The following TNFSF15 variants were observed in gnomAD, a reference collection of about 807,000 sequenced individuals.
TNFSF15 encodes the protein tumor necrosis factor ligand superfamily member 15.
In TNFSF15, 15 loss-of-function variants were observed where a neutral mutation model predicts 26.4. The ratio of observed to expected loss-of-function variants is 0.57; its 90% CI spans 0.38 to 0.87. TNFSF15 has a LOEUF of 0.87. Among genes scored for constraint, TNFSF15 ranks in the 40% least tolerant of loss-of-function variants. The pLI is 0.00. For missense variants in TNFSF15, 290 were observed against 306.1 expected, an observed-to-expected ratio of 0.95 and a Z score of 0.39; for synonymous variants, 116 against 115.0, an observed-to-expected ratio of 1.01 and a Z score of -0.06.
rs926585510 is a variant in TNFSF15 at position 114,792,138 on chromosome 9, C to T, written c.301+269G>A. On this transcript the variant is annotated intron_variant, in intron 3 of 3. Transcript: ENST00000374045. ...TGCTTATTGCAGCACTATTCACAAT[C>T]GCAAAAATATGGAATCAACTTAAGT... The T allele has an allele frequency of 3.4e-5, 16 of 465,414 alleles. No individual in the cohort carries two copies. The Admixed American group carries it at 4.1e-4, about 12-fold the overall frequency. 28.8% of individuals were successfully genotyped at this position (465,414 alleles called of 1,614,324 possible).
intron 1 of TNFSF15, among the ~76,000 whole-genome samples, chr9:114,794,892 G>A (rs1386521395): frequency 6.6e-6 from 1 of 152,140 alleles, no homozygotes; most frequent in Non-Finnish European, 1.5e-5. Context: ...GAGTGGGAGA[G>A]GATGGGGATG....
intron 1 of TNFSF15, among the ~76,000 whole-genome samples, chr9:114,800,134 G>A (rs1015143386): frequency 6.6e-6 from 1 of 152,120 alleles, no homozygotes; most frequent in South Asian, 2.1e-4. Flanking sequence ...GGAGTGGGGA[G>A]GGGGAGGGGG....
At chr9:114,797,392 G>A (rs1829685114) in intron 1 of TNFSF15, among the ~76,000 whole-genome samples, 1 of 152,184 alleles carries the variant, frequency 6.6e-6, no homozygotes, top group African/African-American at 2.4e-5. Flanking sequence ...CATTCCAAGA[G>A]TCCGCAAGAA....
chr9:114,786,595 CT>C lies in TNFSF15; in HGVS notation c.*3856del. 2 of 152,202 alleles carry C rather than the reference CT, an allele frequency of 1.3e-5. No homozygotes were observed. The highest frequency in any genetic ancestry group is 2.4e-5 in the African/African-American group (1 of 41,520). 9.4% of individuals were successfully genotyped at this position (152,202 alleles called of 1,614,324 possible). A position where few individuals can be genotyped will look rare whatever the true frequency, so the allele number is the denominator to read the frequency against. On this transcript the variant is annotated 3_prime_UTR_variant, in exon 4 of 4. Transcript: ENST00000374045. The stretch of plus-strand genomic sequence containing the variant: ...AGGAAGTGAAAACGTACACTTTTCC[CT>C]TTTCTTACTGTACCTTAGTAAAAAA...
intron 3 of TNFSF15, chr9:114,792,193 A>T: frequency 3.7e-6 from 2 of 543,568 alleles, no homozygotes; most frequent in Non-Finnish European, 6.3e-6. Flanking sequence ...GATAAGGAAA[A>T]CGTGTGTGTG....
rs949128427 is a variant in TNFSF15 at position 114,793,380 on chromosome 9, A to G, written c.253+146T>C. 1.6e-5 allele frequency: 15 copies of G among 933,890 alleles called. No individual in the cohort carries two copies. In the African/African-American group the frequency reaches 2.5e-4, roughly 16 times the overall value. 57.9% of individuals were successfully genotyped at this position (933,890 alleles called of 1,614,324 possible). A position where few individuals can be genotyped will look rare whatever the true frequency, so the allele number is the denominator to read the frequency against. On this transcript the variant is annotated intron_variant, in intron 2 of 3. Transcript: ENST00000374045. ...GCCATTTTGCCTTCTTAGTGCCTGC[A>G]GCAGAGCCTCATTTCTCCTCTGGAT...
intron 1 of TNFSF15, among the ~76,000 whole-genome samples, chr9:114,799,002 C>G (rs892153556): frequency 2.6e-5 from 4 of 152,184 alleles, no homozygotes; most frequent in Non-Finnish European, 5.9e-5. Flanking sequence ...AGATGTTTGC[C>G]TCTTTGTCTC....
At chr9:114,795,105 C>G (rs1412400847) in intron 1 of TNFSF15, among the ~76,000 whole-genome samples, 2 of 152,080 alleles carry the variant, frequency 1.3e-5, no homozygotes, top group Non-Finnish European at 2.9e-5. Context: ...AATACCCTGA[C>G]TTGATCATTA....
Position 114,787,179 on chromosome 9 carries a change from A to G in TNFSF15, c.*3273T>C, listed in dbSNP as rs866573108. On this transcript the variant is annotated 3_prime_UTR_variant, in exon 4 of 4. Coordinates refer to ENST00000374045, the MANE Select transcript of TNFSF15 (RefSeq NM_005118.4). ...ATGTAGTTTAAATAATGGATTCTAC[A>G]ATAAAAAATGGGAACTTTTTTACCT... The G allele has an allele frequency of 1.3e-5, 2 of 152,216 alleles. No homozygotes were observed. Among genetic ancestry groups the G allele is most frequent in the Non-Finnish European group, 2.9e-5 (2 of 68,042 alleles). 9.4% of individuals were successfully genotyped at this position (152,216 alleles called of 1,614,324 possible).
At position 114,785,764 on chromosome 9, in the gene TNFSF15, T is replaced by A. The variant is rs1829490770; in HGVS notation, c.*4688A>T. On this transcript the variant is annotated 3_prime_UTR_variant, in exon 4 of 4. Transcript: ENST00000374045. Reference sequence around the variant, plus strand: ...GTCTCCTCCCACTTCCATGTTGTCCTACAGGTGTTTGAAAATACTTGTCCC... The same window carrying A: ...GTCTCCTCCCACTTCCATGTTGTCCAACAGGTGTTTGAAAATACTTGTCCC... The A allele has an allele frequency of 6.6e-6, 1 of 152,236 alleles. No individual in the cohort carries two copies. Among genetic ancestry groups the A allele is most frequent in the Non-Finnish European group, 1.5e-5 (1 of 68,062 alleles). 9.4% of individuals were successfully genotyped at this position (152,236 alleles called of 1,614,324 possible). A position where few individuals can be genotyped will look rare whatever the true frequency, so the allele number is the denominator to read the frequency against.
At chr9:114,791,249 G>T (rs567977637) in intron 3 of TNFSF15, 85 of 431,200 alleles carry the variant, frequency 2.0e-4, no homozygotes, top group Non-Finnish European at 3.2e-4. Context: ...ATGGCTTGCT[G>T]CAAGAATTAT....
At chr9:114,791,013 C>A in intron 3 of TNFSF15, 107 bp from the exon 4 acceptor site, 1 of 1,113,420 alleles carries the variant, frequency 9.0e-7, no homozygotes, top group African/African-American at 1.6e-5. Context: ...TCGAATATAC[C>A]TAACAGCTAA....
In TNFSF15 at chr9:114,786,911, C is replaced by CAAAAAAAAAAAA. The variant is rs11429963; in HGVS notation, c.*3529_*3540dup. 1.2e-5 allele frequency: 1 copy of CAAAAAAAAAAAA among 80,324 alleles called. No individual in the cohort carries two copies. Among genetic ancestry groups the CAAAAAAAAAAAA allele is most frequent in the Non-Finnish European group, 2.4e-5 (1 of 41,364 alleles). The allele number at this position is 80,324 out of a possible 1,614,324, so 5.0% of individuals were successfully genotyped here. A position where few individuals can be genotyped will look rare whatever the true frequency, so the allele number is the denominator to read the frequency against. On this transcript the variant is annotated 3_prime_UTR_variant, in exon 4 of 4. Transcript: ENST00000374045. ...TGGGTGACAAAGCAAGACTCTGTCT[C>CAAAAAAAAAAAA]AAAAAAAAAAAAAAAAAAAAAGAAA...
At chr9:114,794,287 A>G (rs971554064) in intron 1 of TNFSF15, among the ~76,000 whole-genome samples, 1 of 152,226 alleles carries the variant, frequency 6.6e-6, no homozygotes. Flanking sequence ...CAGAAAATCT[A>G]TGAGTTAGTG....
chr9:114,796,916 G>T (rs1829679650), intron 1 of TNFSF15, among the ~76,000 whole-genome samples: 1 of 152,190 alleles, frequency 6.6e-6, no homozygotes, highest in South Asian at 2.1e-4. Flanking sequence ...GGTCTTGAGG[G>T]AGTGGAGAAG....
In TNFSF15 at chr9:114,790,675, G is replaced by A; in HGVS notation, c.533C>T (p.Thr178Ile). 1.9e-6 allele frequency: 3 copies of A among 1,614,114 alleles called. No individual in the cohort carries two copies. Among genetic ancestry groups the A allele is most frequent in the Non-Finnish European group, 2.5e-6 (3 of 1,180,014 alleles). ...GTCTGTTACCTTGGTGATGACCACA[G>A]TGATGGAGTCTGGCTTGTTTGGTCG... ...AGRPNKPDSITVVITKVTDSY... is the reference protein window; with the variant it reads ...AGRPNKPDSIIVVITKVTDSY... The change falls in exon 4 of 4, where the codon ACT becomes ATT. Residue 178 changes from threonine (T) to isoleucine (I), a missense_variant. Transcript: ENST00000374045.
chr9:114,804,950 A>G (rs941154027), intron 1 of TNFSF15, among the ~76,000 whole-genome samples: 3 of 152,202 alleles, frequency 2.0e-5, no homozygotes, highest in African/African-American at 4.8e-5. Flanking sequence ...TAGATTATGA[A>G]GGGACATTTT....
Position 114,789,972 on chromosome 9 carries a change from G to A in TNFSF15, c.*480C>T, listed in dbSNP as rs1303824483. 6.5e-6 allele frequency: 1 copy of A among 153,756 alleles called. No individual in the cohort carries two copies. The highest frequency in any genetic ancestry group is 2.4e-5 in the African/African-American group (1 of 41,444). The allele number at this position is 153,756 out of a possible 1,614,324, so 9.5% of individuals were successfully genotyped here. On this transcript the variant is annotated 3_prime_UTR_variant, in exon 4 of 4. Transcript: ENST00000374045. Reference sequence around the variant, plus strand: ...TTTTTTAGGCAAGGCATGAAAGTATGTGGAAAAATTGGTGAAGGATTTTGC... The same window carrying A: ...TTTTTTAGGCAAGGCATGAAAGTATATGGAAAAATTGGTGAAGGATTTTGC...
chr9:114,802,660 G>A (rs1264202894), intron 1 of TNFSF15, among the ~76,000 whole-genome samples: 20 of 152,200 alleles, frequency 1.3e-4, no homozygotes, highest in Non-Finnish European at 2.9e-5. Flanking sequence ...TGCTGGGCCA[G>A]TAGTTCTAGA....
Sources: gnomAD v4.1 joint callset for allele counts (sites outside exome capture counted in the v4.1 genomes callset) on GRCh38, gnomAD v4.1.1 for gene constraint, MANE v1.5 for transcripts, NCBI Gene and HGNC (gene_info 2026-07-23, HGNC 2026-07-21) for gene names.